The following PALM variants were observed in gnomAD, a reference collection of about 807,000 sequenced individuals.
PALM encodes the protein paralemmin, also known as paralemmin-1.
In PALM, 18 loss-of-function variants were observed where a neutral mutation model predicts 30.7. The observed-to-expected ratio is 0.59, with a 90% CI of 0.41 to 0.87. The LOEUF (loss-of-function observed/expected upper bound fraction) is 0.87, where lower values mean the gene tolerates loss of function less well. Among genes scored for constraint, PALM ranks in the 40% least tolerant of loss-of-function variants. The pLI is 0.00. For missense variants in PALM, 529 were observed against 555.4 expected (o/e 0.95, Z 0.48); for synonymous variants, 286 against 242.8 (o/e 1.18, Z -1.66).
Position 709,106 on chromosome 19 carries a change from C to A in PALM, c.-41C>A. On this transcript the variant is annotated 5_prime_UTR_variant, in exon 1 of 9. Coordinates refer to ENST00000338448, the MANE Select transcript of PALM (RefSeq NM_002579.3). This position sits in a 1 kb window ranked among gnomAD's most constrained non-coding sequence, Gnocchi z 4.3. ...CCCCCGCGCGCCACCCGCGCCCGCC[C>A]CCGCCCGGCACCGCGGACCCACCCG... 3.4e-6 allele frequency: 1 copy of A among 296,492 alleles called. No individual in the cohort carries two copies. The highest frequency in any genetic ancestry group is 6.2e-6 in the Non-Finnish European group (1 of 160,702). 18.4% of individuals were successfully genotyped at this position (296,492 alleles called of 1,614,324 possible). A position where few individuals can be genotyped will look rare whatever the true frequency, so the allele number is the denominator to read the frequency against.
chr19:711,457 G>A (rs530690666), intron 1 of PALM, among the ~76,000 whole-genome samples: 2 of 152,256 alleles, frequency 1.3e-5, no homozygotes, highest in Admixed American at 6.5e-5. Context: ...CTCCCTGCTC[G>A]CAGACCTGGA....
intron 1 of PALM, among the ~76,000 whole-genome samples, chr19:719,916 G>A (rs2032402219): frequency 6.6e-6 from 1 of 152,162 alleles, no homozygotes; most frequent in South Asian, 2.1e-4. Flanking sequence ...TCCGTGCGTC[G>A]TGGTCATATT....
intron 4 of PALM, among the ~76,000 whole-genome samples, chr19:728,431 C>G (rs2032763431): frequency 6.6e-6 from 1 of 152,214 alleles, no homozygotes; most frequent in Non-Finnish European, 1.5e-5. Context: ...GGGGGCCCCT[C>G]CCTGCCCAGT....
chr19:727,312 C>A (rs1568225538), intron 3 of PALM, among the ~76,000 whole-genome samples: 1 of 150,532 alleles, frequency 6.6e-6, no homozygotes, highest in Non-Finnish European at 1.5e-5. Flanking sequence ...GACCCTGACC[C>A]TGATCTCAGT....
chr19:746,706 G>A lies in PALM; in HGVS notation c.1056G>A (p.Thr352=), dbSNP rs762119520. Residue 352 remains threonine, a synonymous_variant, in exon 9 of 9, where the codon ACG becomes ACA. Transcript: ENST00000338448. This position sits in a 1 kb window ranked among gnomAD's most constrained non-coding sequence, Gnocchi z 7.1. The stretch of plus-strand genomic sequence containing the variant: ...ACGGCAGTGCTGCCGAGCCTCCCAC[G>A]GAGGCCGCCTCCAGGGAAGAGAATC... The part of the protein sequence containing the change: ...PPNGSAAEPP[T]EAASREENQA... 3.8e-5 allele frequency: 61 copies of A among 1,608,494 alleles called. 1 individual carries two copies. The highest frequency in any genetic ancestry group is 3.3e-4 in the Middle Eastern group (2 of 6,074).
chr19:720,736 C>T (rs1037660614), intron 1 of PALM, among the ~76,000 whole-genome samples: 4 of 152,146 alleles, frequency 2.6e-5, no homozygotes, highest in Non-Finnish European at 4.4e-5. Flanking sequence ...CCGCCCTGGC[C>T]GGCCGGGCAG....
intron 7 of PALM, among the ~76,000 whole-genome samples, chr19:737,802 G>A (rs1176922155): frequency 6.6e-6 from 1 of 152,168 alleles, no homozygotes; most frequent in East Asian, 1.9e-4. Flanking sequence ...GAGGGCGGAG[G>A]AGAGATGATG....
chr19:725,256 G>A (rs543354901), intron 1 of PALM, among the ~76,000 whole-genome samples: 2 of 151,330 alleles, frequency 1.3e-5, no homozygotes, highest in Non-Finnish European at 2.9e-5. Context: ...TGGGTGGGCT[G>A]TTTTCAAAAG....
At chr19:715,701 AGGCGCT>A (rs963312865) in intron 1 of PALM, among the ~76,000 whole-genome samples, 4 of 152,168 alleles carry the variant, frequency 2.6e-5, no homozygotes, top group African/African-American at 9.7e-5. Flanking sequence ...TCATCAAAAA[AGGCGCT>A]GGCAGCTGAG....
chr19:745,989 T>C (rs1429426026), intron 8 of PALM, among the ~76,000 whole-genome samples: 2 of 151,382 alleles, frequency 1.3e-5, no homozygotes, highest in Non-Finnish European at 2.9e-5. Flanking sequence ...ACCCGGGAGG[T>C]GGAGCTTGCA....
chr19:738,822 C>T (rs1376138824), intron 7 of PALM, among the ~76,000 whole-genome samples: 1 of 152,178 alleles, frequency 6.6e-6, no homozygotes, highest in Admixed American at 6.5e-5. Context: ...AGGGGCCAGG[C>T]GATGGCAGGG....
At chr19:745,306 G>A (rs891633653) in intron 8 of PALM, among the ~76,000 whole-genome samples, 9 of 152,236 alleles carry the variant, frequency 5.9e-5, no homozygotes, top group African/African-American at 2.2e-4. Flanking sequence ...GCCCAGCTGT[G>A]TCCCTTCTTT....
intron 1 of PALM, chr19:719,122 C>G (rs980741089): frequency 5.1e-6 from 5 of 985,298 alleles, no homozygotes; most frequent in Non-Finnish European, 6.0e-6. Context: ...GGCGCCTGCC[C>G]GGGCAGGGAC....
At chr19:724,980 C>CG (rs1328722059) in intron 1 of PALM, among the ~76,000 whole-genome samples, 3 of 151,696 alleles carry the variant, frequency 2.0e-5, no homozygotes, top group Non-Finnish European at 4.4e-5. Flanking sequence ...AGGGCAGTGG[C>CG]GCGATCTCGG....
At chr19:719,882 G>GAA (rs1351535363) in intron 1 of PALM, among the ~76,000 whole-genome samples, 6 of 152,188 alleles carry the variant, frequency 3.9e-5, no homozygotes, top group African/African-American at 9.7e-5. Flanking sequence ...TGGGGGAGGC[G>GAA]TTCTCGGTTT....
intron 1 of PALM, among the ~76,000 whole-genome samples, chr19:712,655 T>C (rs558266712): frequency 6.6e-6 from 1 of 151,682 alleles, no homozygotes; most frequent in African/African-American, 2.4e-5. Flanking sequence ...AGTGCTGGGA[T>C]TACAGGTGTG....
In PALM at chr19:746,942, C is replaced by T; in HGVS notation, c.*128C>T. ...GGACTTGGCGTGTTGTTACATGTTC[C>T]TTCCGAGTTTTCTTTCGCTGGAAAG... is the stretch of plus-strand genomic sequence containing the variant. On this transcript the variant is annotated 3_prime_UTR_variant, in exon 9 of 9. Coordinates refer to ENST00000338448, the MANE Select transcript of PALM (RefSeq NM_002579.3). This position sits in a 1 kb window ranked among gnomAD's most constrained non-coding sequence, Gnocchi z 7.1. 1 of 640,742 alleles carries T rather than the reference C, an allele frequency of 1.6e-6. No individual in the cohort carries two copies. Among genetic ancestry groups the T allele is most frequent in the Non-Finnish European group, 2.7e-6 (1 of 374,802 alleles). The allele number at this position is 640,742 out of a possible 1,614,324, so 39.7% of individuals were successfully genotyped here.
chr19:715,049 A>G (rs1475884209), intron 1 of PALM, among the ~76,000 whole-genome samples: 1 of 152,156 alleles, frequency 6.6e-6, no homozygotes, highest in Non-Finnish European at 1.5e-5. Context: ...GGATCACCTC[A>G]GGTCAGGAGT....
At chr19:724,540 A>C (rs1459102164) in intron 1 of PALM, among the ~76,000 whole-genome samples, 4 of 151,768 alleles carry the variant, frequency 2.6e-5, no homozygotes, top group African/African-American at 9.7e-5. Flanking sequence ...AGGCTGGTCT[A>C]GAACTCCTGA....
Sources: allele counts gnomAD v4.1 joint callset (sites outside exome capture counted in the v4.1 genomes callset), GRCh38; gene constraint gnomAD v4.1.1; non-coding constraint Gnocchi (gnomAD v3.1); transcripts MANE v1.5; gene names NCBI Gene and HGNC (gene_info 2026-07-23, HGNC 2026-07-21).